Variants in GLIPR1L2 observed in about 807,000 individuals in gnomAD.
GLIPR1L2 encodes GLIPR1 like 2.
In GLIPR1L2, 21 loss-of-function variants were observed where a neutral mutation model predicts 28.4. The ratio of observed to expected loss-of-function variants is 0.74; its 90% confidence interval spans 0.52 to 1.06. The LOEUF (loss-of-function observed/expected upper bound fraction) is 1.06, where lower values mean the gene tolerates loss of function less well. GLIPR1L2 is among the 50% of genes least tolerant of loss of function. GLIPR1L2 has a pLI of 0.00. For missense variants in GLIPR1L2, 476 were observed against 416.9 expected (o/e 1.14, Z -1.23); for synonymous variants, 145 against 139.3 (o/e 1.04, Z -0.29).
At chr12:75,417,658 G>A (rs2045936284) in intron 3 of GLIPR1L2, among the ~76,000 whole-genome samples, 1 of 151,932 alleles carries the variant, frequency 6.6e-6, no homozygotes, top group African/African-American at 2.4e-5. Context: ...ACAAATTGGT[G>A]TTTCTAAAGA....
intron 1 of GLIPR1L2, among the ~76,000 whole-genome samples, chr12:75,409,074 A>G (rs980344993): frequency 6.6e-6 from 1 of 152,036 alleles, no homozygotes; most frequent in Non-Finnish European, 1.5e-5. Context: ...ACAACTTTGA[A>G]TGCAGCCCAA....
At chr12:75,395,632 T>C (rs1370945169) in intron 1 of GLIPR1L2, among the ~76,000 whole-genome samples, 1 of 151,404 alleles carries the variant, frequency 6.6e-6, no homozygotes, top group Non-Finnish European at 1.5e-5. Flanking sequence ...TTATTATTAT[T>C]TTATGAAATT....
chr12:75,429,938 C>CTTTTTTTTTTTTTTTTTTTTTTTT (rs34354324), intron 4 of GLIPR1L2, among the ~76,000 whole-genome samples: 1 of 128,656 alleles, frequency 7.8e-6, no homozygotes. Flanking sequence ...TCTTTTCTTT[C>CTTTTTTTTTTTTTTTTTTTTTTTT]TTTTTTTTTT....
intron 1 of GLIPR1L2, 50 bp from the exon 2 acceptor site, chr12:75,410,384 C>T: frequency 7.0e-7 from 1 of 1,421,030 alleles, no homozygotes; most frequent in Non-Finnish European, 9.3e-7. Flanking sequence ...ATATTTTAGA[C>T]TACAAAAAAA....
At chr12:75,425,679 A>T (rs574378407) in intron 4 of GLIPR1L2, among the ~76,000 whole-genome samples, 1 of 152,362 alleles carries the variant, frequency 6.6e-6, no homozygotes, top group South Asian at 2.1e-4. Flanking sequence ...GTAACCTGAC[A>T]TCACTTATTT....
At chr12:75,423,231 A>C in intron 4 of GLIPR1L2, 1 of 1,347,792 alleles carries the variant, frequency 7.4e-7, no homozygotes, top group Non-Finnish European at 9.5e-7. Flanking sequence ...GTCAGAAAGA[A>C]AGAATGAGAA....
chr12:75,430,113 C>T (rs2046076821), intron 4 of GLIPR1L2, among the ~76,000 whole-genome samples: 1 of 151,870 alleles, frequency 6.6e-6, no homozygotes, highest in East Asian at 1.9e-4. Flanking sequence ...TACCCAGTCT[C>T]AGGTAGTTCT....
intron 4 of GLIPR1L2, among the ~76,000 whole-genome samples, chr12:75,429,545 G>A (rs1294804812): frequency 6.6e-6 from 1 of 152,170 alleles, no homozygotes; most frequent in African/African-American, 2.4e-5. Flanking sequence ...AGACTTTGGG[G>A]ACCCTTGGAA....
At chr12:75,391,626 G>T (rs2045601361) in intron 1 of GLIPR1L2, 2 of 961,650 alleles carry the variant, frequency 2.1e-6, no homozygotes, top group Admixed American at 2.5e-5. Flanking sequence ...TCAAGAAAAT[G>T]ATATTTTAAT....
At chr12:75,409,011 A>T (rs2045833553) in intron 1 of GLIPR1L2, among the ~76,000 whole-genome samples, 1 of 151,838 alleles carries the variant, frequency 6.6e-6, no homozygotes, top group East Asian at 1.9e-4. Flanking sequence ...CACTAAGAAA[A>T]CTCTAAGGCA....
At chr12:75,423,351 A>G in intron 4 of GLIPR1L2, 1 of 1,047,140 alleles carries the variant, frequency 9.5e-7, no homozygotes, top group Non-Finnish European at 1.1e-6. Context: ...GAAGTAGCAT[A>G]TATTTAATAC....
chr12:75,429,938 C>CTTTTTTTTTTTTTTTTTTTTTTT (rs34354324), intron 4 of GLIPR1L2, among the ~76,000 whole-genome samples: 3 of 128,656 alleles, frequency 2.3e-5, no homozygotes, highest in Non-Finnish European at 4.7e-5. Context: ...TCTTTTCTTT[C>CTTTTTTTTTTTTTTTTTTTTTTT]TTTTTTTTTT....
chr12:75,421,342 C>T (rs971787930), intron 3 of GLIPR1L2, among the ~76,000 whole-genome samples: 2 of 152,190 alleles, frequency 1.3e-5, no homozygotes, highest in African/African-American at 4.8e-5. Context: ...TCCTGATAGA[C>T]TTGAATGCTT....
intron 2 of GLIPR1L2, among the ~76,000 whole-genome samples, chr12:75,412,677 T>C (rs1455894715): frequency 6.6e-6 from 1 of 151,816 alleles, no homozygotes; most frequent in Non-Finnish European, 1.5e-5. Flanking sequence ...ATGGCGATCA[T>C]TAAAAAGTCA....
chr12:75,408,250 T>C (rs374105724), intron 1 of GLIPR1L2, among the ~76,000 whole-genome samples: 58 of 152,148 alleles, frequency 3.8e-4, no homozygotes, highest in African/African-American at 1.3e-3. Flanking sequence ...AATAAAAGAA[T>C]TTGGAGCTCT....
chr12:75,423,317 G>T (rs1488306848), intron 4 of GLIPR1L2: 2 of 1,121,324 alleles, frequency 1.8e-6, no homozygotes, highest in Non-Finnish European at 2.2e-6. Flanking sequence ...TGCTTTAAAG[G>T]ATAGTATATT....
intron 2 of GLIPR1L2, among the ~76,000 whole-genome samples, chr12:75,412,885 C>T (rs912396092): frequency 1.4e-4 from 21 of 152,110 alleles, no homozygotes; most frequent in African/African-American, 5.1e-4. Flanking sequence ...GCTATAAAGA[C>T]ACATGCACAC....
intron 3 of GLIPR1L2, among the ~76,000 whole-genome samples, chr12:75,417,890 A>T (rs1418668470): frequency 1.3e-5 from 2 of 152,144 alleles, no homozygotes; most frequent in Non-Finnish European, 2.9e-5. Context: ...TATTAATTCG[A>T]TTACTCTAAA....
At chr12:75,393,574 A>G (rs894599700) in intron 1 of GLIPR1L2, among the ~76,000 whole-genome samples, 1 of 152,092 alleles carries the variant, frequency 6.6e-6, no homozygotes, top group Non-Finnish European at 1.5e-5. Flanking sequence ...TGTCAGAATT[A>G]CCTGTCTTTT....
Sources: gnomAD v4.1 joint callset for allele counts (sites outside exome capture counted in the v4.1 genomes callset) on GRCh38, gnomAD v4.1.1 for gene constraint, MANE v1.5 for transcripts, NCBI Gene and HGNC (gene_info 2026-07-23, HGNC 2026-07-21) for gene names.